CEP70: variants seen among roughly 807,000 people sequenced by gnomAD.
CEP70 encodes centrosomal protein 70, also known as centrosomal protein of 70 kDa.
A neutral mutation model predicts 90.9 loss-of-function variants in CEP70; 70 were observed. The ratio of observed to expected loss-of-function variants is 0.77; its 90% CI spans 0.64 to 0.94. The LOEUF is 0.94. CEP70 is among the 40% of genes least tolerant of loss of function. The probability of loss-of-function intolerance (pLI) is 0.00; values close to 1 mark genes in which losing one functional copy is unlikely to be tolerated. For synonymous variants in CEP70, 220 were observed against 228.3 expected, an observed-to-expected ratio of 0.96 and a Z score of 0.33; for missense variants, 648 against 669.0, an observed-to-expected ratio of 0.97 and a Z score of 0.35.
intron 6 of CEP70, among the ~76,000 whole-genome samples, chr3:138,554,755 C>T (rs2039871836): frequency 6.6e-6 from 1 of 152,130 alleles, no homozygotes; most frequent in African/African-American, 2.4e-5. Flanking sequence ...TATACCTAAC[C>T]AAGGAGGTGA....
chr3:138,591,262 C>T (rs1286601739), intron 2 of CEP70, among the ~76,000 whole-genome samples: 2 of 152,060 alleles, frequency 1.3e-5, no homozygotes, highest in Admixed American at 6.6e-5. Flanking sequence ...ATAAAATTAG[C>T]TTCAGGCTGT....
At chr3:138,574,319 C>T (rs895956116) in intron 2 of CEP70, among the ~76,000 whole-genome samples, 8 of 152,234 alleles carry the variant, frequency 5.3e-5, no homozygotes, top group African/African-American at 1.9e-4. Context: ...GGTCCCATGC[C>T]CATGGAGCCT....
chr3:138,519,749 C>T (rs1468089757), intron 11 of CEP70, among the ~76,000 whole-genome samples: 3 of 152,110 alleles, frequency 2.0e-5, no homozygotes, highest in Non-Finnish European at 2.9e-5. Flanking sequence ...TAAAGACCGT[C>T]GAGGCTAGGA....
At chr3:138,591,212 A>G (rs753121990) in intron 2 of CEP70, among the ~76,000 whole-genome samples, 7 of 152,342 alleles carry the variant, frequency 4.6e-5, no homozygotes, top group Admixed American at 3.3e-4. Flanking sequence ...GACAGGTCAC[A>G]GTCACAACTT....
At chr3:138,498,340 T>G (rs1017592324) in intron 16 of CEP70, among the ~76,000 whole-genome samples, 2 of 144,770 alleles carry the variant, frequency 1.4e-5, no homozygotes, top group Admixed American at 6.8e-5. Context: ...ATAACATTCT[T>G]TTTTTTTTTT....
At position 138,591,868 on chromosome 3, in the gene CEP70, A is replaced by C. The variant is rs1324093394; in HGVS notation, c.-20T>G. On this transcript the variant is annotated 5_prime_UTR_variant, in exon 2 of 18. Coordinates refer to ENST00000264982, the MANE Select transcript of CEP70 (RefSeq NM_024491.4). ...ATTAGACATACCTCAGTCATAGCAT[A>C]TTACTCTTGCACTTTACACCTGGTC... The C allele has an allele frequency of 2.6e-6, 4 of 1,525,540 alleles. No homozygotes were observed. Among genetic ancestry groups the C allele is most frequent in the Non-Finnish European group, 3.5e-6 (4 of 1,142,464 alleles). 94.5% of individuals were successfully genotyped at this position (1,525,540 alleles called of 1,614,324 possible).
intron 6 of CEP70, among the ~76,000 whole-genome samples, chr3:138,543,133 T>C (rs948266816): frequency 1.3e-5 from 2 of 152,184 alleles, no homozygotes; most frequent in Admixed American, 6.5e-5. Flanking sequence ...GGCTTCAGGC[T>C]GTCCTTGGCT....
At chr3:138,569,545 TA>T (rs2041019776) in intron 6 of CEP70, among the ~76,000 whole-genome samples, 1 of 152,128 alleles carries the variant, frequency 6.6e-6, no homozygotes, top group African/African-American at 2.4e-5. Context: ...GCCATTTCTA[TA>T]AAAAGAACTC....
At chr3:138,587,474 A>T (rs773444) in intron 2 of CEP70, among the ~76,000 whole-genome samples, 89,830 of 151,846 alleles carry the variant, frequency 0.59, 27,146 homozygotes, top group East Asian at 0.94. Flanking sequence ...AGATCTATAA[A>T]AGACAAAACA....
At chr3:138,502,402 TCTCCACTTAAGG>T (rs1162061576) in intron 13 of CEP70, among the ~76,000 whole-genome samples, 2 of 152,142 alleles carry the variant, frequency 1.3e-5, no homozygotes, top group Non-Finnish European at 2.9e-5. Flanking sequence ...CACTTGACAC[TCTCCACTTAAGG>T]CTCAGACTTC....
intron 11 of CEP70, among the ~76,000 whole-genome samples, chr3:138,516,440 C>A (rs1163860130): frequency 1.3e-5 from 2 of 152,040 alleles, no homozygotes; most frequent in East Asian, 1.9e-4. Context: ...GGCTGGAGTG[C>A]AGTGGTGTGA....
chr3:138,555,028 C>A (rs2039897949), intron 6 of CEP70, among the ~76,000 whole-genome samples: 1 of 152,058 alleles, frequency 6.6e-6, no homozygotes, highest in Non-Finnish European at 1.5e-5. Flanking sequence ...GCGGGTAGAT[C>A]ATCTGAGGTC....
At chr3:138,576,263 C>T (rs569464234) in intron 2 of CEP70, among the ~76,000 whole-genome samples, 6 of 152,110 alleles carry the variant, frequency 3.9e-5, no homozygotes, top group Non-Finnish European at 5.9e-5. Context: ...GAAGATCTAC[C>T]AAGCAAATGG....
chr3:138,586,851 C>G (rs572965200), intron 2 of CEP70, among the ~76,000 whole-genome samples: 2 of 152,134 alleles, frequency 1.3e-5, no homozygotes, highest in East Asian at 1.9e-4. Context: ...GTTTCTAACA[C>G]AAAGGATAAA....
chr3:138,499,999 T>C, intron 16 of CEP70, 111 bp downstream of exon 16: 1 of 744,772 alleles, frequency 1.3e-6, no homozygotes, highest in South Asian at 1.6e-5. Context: ...CTTAAACTCC[T>C]GGGTTCAAGT....
At chr3:138,559,763 T>C (rs2040267205) in intron 6 of CEP70, among the ~76,000 whole-genome samples, 1 of 151,712 alleles carries the variant, frequency 6.6e-6, no homozygotes, top group Non-Finnish European at 1.5e-5. Context: ...AGGAGAAAAA[T>C]ATTAAAGGTA....
intron 11 of CEP70, among the ~76,000 whole-genome samples, chr3:138,513,653 T>C (rs1481997040): frequency 1.3e-5 from 2 of 152,174 alleles, no homozygotes; most frequent in African/African-American, 4.8e-5. Flanking sequence ...AGTTAACAGT[T>C]TGACTGTTAA....
intron 2 of CEP70, among the ~76,000 whole-genome samples, chr3:138,591,503 A>C (rs1487373055): frequency 6.6e-6 from 1 of 152,188 alleles, no homozygotes; most frequent in East Asian, 1.9e-4. Context: ...GTACAGTACT[A>C]ATCTCTGTGT....
intron 7 of CEP70, among the ~76,000 whole-genome samples, chr3:138,533,323 G>A (rs992787490): frequency 6.6e-6 from 1 of 151,564 alleles, no homozygotes; most frequent in Non-Finnish European, 1.5e-5. Flanking sequence ...TAATGGAGAA[G>A]TAGAAAAAAT....
Sources: allele counts gnomAD v4.1 joint callset (sites outside exome capture counted in the v4.1 genomes callset), GRCh38; gene constraint gnomAD v4.1.1; transcripts MANE v1.5; gene names NCBI Gene and HGNC (gene_info 2026-07-23, HGNC 2026-07-21).